Variants in ZNF804B observed in about 807,000 individuals in gnomAD.
ZNF804B encodes zinc finger 804B.
ZNF804B carries 80 observed loss-of-function variants against 101.4 expected under a neutral mutation model. The observed-to-expected ratio is 0.79, with a 90% confidence interval of 0.66 to 0.95. The LOEUF (loss-of-function observed/expected upper bound fraction) is 0.95, where lower values mean the gene tolerates loss of function less well. Ranked by LOEUF, ZNF804B falls within the 40% of genes least tolerant of loss-of-function variation. The probability of loss-of-function intolerance (pLI) is 0.00; values close to 1 mark genes in which losing one functional copy is unlikely to be tolerated. For missense variants in ZNF804B, 1,673 were observed against 1,561.9 expected (o/e 1.07, Z -1.20); for synonymous variants, 622 against 558.8 (o/e 1.11, Z -1.59).
rs534234424 is a variant in ZNF804B, at chr7:88,817,247, G to C, written c.108+57163G>C. ...GGCCTGTTGTGGGATGGGGGGATGG[G>C]GGAGGGATAGCATTGGGAGATATAC... On this transcript the variant is annotated intron_variant, in intron 1 of 3. Transcript: ENST00000333190. 4.3e-3 allele frequency among the ~76,000 whole-genome samples: 657 copies of C among 152,272 alleles called. 2 individuals carry two copies. Among genetic ancestry groups the C allele is most frequent in the Non-Finnish European group, 6.1e-3 (418 of 68,016 alleles).
chr7:88,866,733 GA>G (rs1460295131), intron 1 of ZNF804B, among the ~76,000 whole-genome samples: 1 of 152,046 alleles, frequency 6.6e-6, no homozygotes, highest in East Asian at 1.9e-4. Context: ...ACAGAACCAT[GA>G]AAAAATAATA....
At chr7:89,126,203 A>G (rs1414778858) in intron 1 of ZNF804B, among the ~76,000 whole-genome samples, 1 of 151,988 alleles carries the variant, frequency 6.6e-6, no homozygotes, top group East Asian at 1.9e-4. Context: ...TTAACATATT[A>G]GTGTACAATA....
chr7:89,120,844 A>T (rs879763434), intron 1 of ZNF804B, among the ~76,000 whole-genome samples: 2 of 152,152 alleles, frequency 1.3e-5, no homozygotes, highest in Non-Finnish European at 2.9e-5. Flanking sequence ...AATGATTATT[A>T]TGTAAAAGTG....
intron 2 of ZNF804B, among the ~76,000 whole-genome samples, chr7:89,241,787 C>A (rs1208822): frequency 1.3e-5 from 2 of 149,000 alleles, no homozygotes; most frequent in African/African-American, 2.5e-5. Context: ...CACATTTTCA[C>A]GCAGTGAGAA....
chr7:88,928,047 T>C (rs1179331717), intron 1 of ZNF804B, among the ~76,000 whole-genome samples: 1 of 152,116 alleles, frequency 6.6e-6, no homozygotes, highest in African/African-American at 2.4e-5. Context: ...CTTGGTCTAC[T>C]CTGGCTGCTA....
intron 1 of ZNF804B, among the ~76,000 whole-genome samples, chr7:89,215,749 A>G (rs1275474484): frequency 1.3e-5 from 2 of 151,640 alleles, no homozygotes; most frequent in Admixed American, 6.6e-5. Context: ...CGGGCGTGGC[A>G]GCGGGCTCCT....
chr7:88,897,163 C>T (rs1584003569), intron 1 of ZNF804B, among the ~76,000 whole-genome samples: 2 of 152,132 alleles, frequency 1.3e-5, no homozygotes, highest in African/African-American at 4.8e-5. Flanking sequence ...CCTTACGTAG[C>T]ATAAGGAACT....
chr7:89,301,436 G>A (rs1322052832), intron 2 of ZNF804B, among the ~76,000 whole-genome samples: 1 of 151,638 alleles, frequency 6.6e-6, no homozygotes, highest in Non-Finnish European at 1.5e-5. Context: ...ATTTCCTCAA[G>A]AACCATTTCA....
intron 1 of ZNF804B, among the ~76,000 whole-genome samples, chr7:88,941,465 G>T (rs1379243947): frequency 6.6e-6 from 1 of 151,838 alleles, no homozygotes; most frequent in Non-Finnish European, 1.5e-5. Flanking sequence ...AAAAAGACGT[G>T]GTGGAAATTT....
intron 2 of ZNF804B, among the ~76,000 whole-genome samples, chr7:89,252,038 AAAC>A (rs1356328466): frequency 6.6e-6 from 1 of 152,192 alleles, no homozygotes; most frequent in African/African-American, 2.4e-5. Context: ...ATTGCAACAA[AAAC>A]AACATTTGAC....
chr7:89,131,747 T>C lies in ZNF804B; in HGVS notation c.109-86408T>C, dbSNP rs1392222846. ...AAAATAGACATAACTGAATATTCTA[T>C]ATTGTGGTCAGACATTAGAAAACTT... On this transcript the variant is annotated intron_variant, in intron 1 of 3. Transcript: ENST00000333190. 2.0e-5 allele frequency among the ~76,000 whole-genome samples: 3 copies of C among 152,020 alleles called. No homozygotes were observed. In the South Asian group the frequency reaches 6.2e-4, roughly 31 times the overall value.
intron 1 of ZNF804B, among the ~76,000 whole-genome samples, chr7:89,056,548 C>T (rs1257411906): frequency 6.6e-6 from 1 of 152,078 alleles, no homozygotes; most frequent in Non-Finnish European, 1.5e-5. Context: ...GCCTCCAGTC[C>T]TAGATGCCTT....
At chr7:89,197,750 T>C (rs1788577197) in intron 1 of ZNF804B, among the ~76,000 whole-genome samples, 1 of 151,886 alleles carries the variant, frequency 6.6e-6, no homozygotes, top group African/African-American at 2.4e-5. Context: ...GTTATAATAG[T>C]ATATGCACAG....
At chr7:88,861,973 A>T (rs79168907) in intron 1 of ZNF804B, among the ~76,000 whole-genome samples, 4,290 of 152,230 alleles carry the variant, frequency 0.028, 214 homozygotes, top group African/African-American at 0.098. Context: ...GGGGGACCCA[A>T]TGCTAAGGAC....
chr7:89,185,874 G>C (rs1408381937), intron 1 of ZNF804B, among the ~76,000 whole-genome samples: 2 of 150,698 alleles, frequency 1.3e-5, no homozygotes, highest in African/African-American at 4.9e-5. Context: ...CTGAGACCCT[G>C]TCTCAATAAG....
rs75327655 is a variant in ZNF804B, at chr7:89,061,097, G to A, written c.109-157058G>A. Among the ~76,000 whole-genome samples the A allele has an allele frequency of 4.1e-4, 63 of 152,054 alleles. No individual in the cohort carries two copies. In the East Asian group the frequency reaches 9.1e-3, roughly 22 times the overall value. On this transcript the variant is annotated intron_variant, in intron 1 of 3. Transcript: ENST00000333190. ...TTTTATCACTATGGTTTGTCTGCTC[G>A]TAACTGTTATACCCTTATGACTGTT...
At chr7:89,128,738 A>G (rs1790506715) in intron 1 of ZNF804B, among the ~76,000 whole-genome samples, 2 of 151,888 alleles carry the variant, frequency 1.3e-5, no homozygotes, top group South Asian at 4.2e-4. Flanking sequence ...TGTTTTTTCT[A>G]CTTCTCTGTG....
intron 1 of ZNF804B, among the ~76,000 whole-genome samples, chr7:89,192,613 A>C (rs1788473972): frequency 6.6e-6 from 1 of 152,090 alleles, no homozygotes; most frequent in Non-Finnish European, 1.5e-5. Context: ...AAACTATTCC[A>C]GAAAATTGGG....
chr7:89,137,955 C>T (rs1375539569), intron 1 of ZNF804B, among the ~76,000 whole-genome samples: 1 of 152,044 alleles, frequency 6.6e-6, no homozygotes, highest in Non-Finnish European at 1.5e-5. Context: ...CTACTCTAGC[C>T]ATGACTAAAA....
Sources: allele counts gnomAD v4.1 joint callset (sites outside exome capture counted in the v4.1 genomes callset), GRCh38; gene constraint gnomAD v4.1.1; transcripts MANE v1.5; gene names NCBI Gene and HGNC (gene_info 2026-07-23, HGNC 2026-07-21).